DGKB: variants seen among roughly 807,000 people sequenced by gnomAD.
DGKB encodes 90 kDa diacylglycerol kinase.
In DGKB, 67 loss-of-function variants were observed where a neutral mutation model predicts 114.3. That is an observed-to-expected ratio of 0.59 (90% confidence interval 0.48 to 0.72). The LOEUF (loss-of-function observed/expected upper bound fraction) is 0.72, where lower values mean the gene tolerates loss of function less well. Among genes scored for constraint, DGKB ranks in the 30% least tolerant of loss-of-function variants. DGKB has a pLI of 0.00. For synonymous variants in DGKB, 398 were observed against 323.1 expected (o/e 1.23, Z -2.49); for missense variants, 907 against 975.2 (o/e 0.93, Z 0.93).
At chr7:14,168,042 T>C (rs1407542590) in intron 25 of DGKB, among the ~76,000 whole-genome samples, 1 of 152,094 alleles carries the variant, frequency 6.6e-6, no homozygotes, top group East Asian at 1.9e-4. Flanking sequence ...ATTATAACCA[T>C]GCTCTAAGAA....
At chr7:14,160,093 T>C (rs567450245) in intron 25 of DGKB, among the ~76,000 whole-genome samples, 11 of 152,272 alleles carry the variant, frequency 7.2e-5, no homozygotes, top group Admixed American at 5.9e-4. Flanking sequence ...GAGAATGATA[T>C]GATATAATCT....
chr7:14,386,298 A>AT (rs1231212894), intron 21 of DGKB, among the ~76,000 whole-genome samples: 2 of 152,130 alleles, frequency 1.3e-5, no homozygotes, highest in African/African-American at 4.8e-5. Context: ...TTCAGATATG[A>AT]TTTTTTAAAA....
chr7:14,600,080 C>T (rs1031902501), intron 17 of DGKB, among the ~76,000 whole-genome samples: 2 of 152,148 alleles, frequency 1.3e-5, no homozygotes, highest in African/African-American at 4.8e-5. Flanking sequence ...AAGGTCAAGA[C>T]ATCAACAGAT....
intron 1 of DGKB, among the ~76,000 whole-genome samples, chr7:14,891,884 G>A (rs1005924007): frequency 6.6e-6 from 1 of 151,294 alleles, no homozygotes; most frequent in African/African-American, 2.4e-5. Context: ...AGACTGAGAT[G>A]AGAGATCATA....
chr7:14,468,928 C>T (rs1464317757), intron 21 of DGKB, among the ~76,000 whole-genome samples: 6 of 151,756 alleles, frequency 4.0e-5, no homozygotes, highest in African/African-American at 9.7e-5. Context: ...CCCTAGGAAT[C>T]GAAAGGCAAA....
At chr7:14,727,845 C>G (rs1041592815) in intron 5 of DGKB, among the ~76,000 whole-genome samples, 1 of 152,134 alleles carries the variant, frequency 6.6e-6, no homozygotes, top group African/African-American at 2.4e-5. Flanking sequence ...ATCCTCAAGA[C>G]AGTCCTAATA....
At chr7:14,804,577 A>G (rs1477273040) in intron 2 of DGKB, among the ~76,000 whole-genome samples, 1 of 151,706 alleles carries the variant, frequency 6.6e-6, no homozygotes, top group Non-Finnish European at 1.5e-5. Context: ...ATTCTAGACA[A>G]TTCATGGAAA....
At chr7:14,919,083 C>CAA (rs1784384991) in intron 1 of DGKB, among the ~76,000 whole-genome samples, 2 of 129,798 alleles carry the variant, frequency 1.5e-5, no homozygotes, top group African/African-American at 5.9e-5. Context: ...CACACACACA[C>CAA]ACACACACAC....
intron 14 of DGKB, among the ~76,000 whole-genome samples, chr7:14,628,839 A>G (rs375537813): frequency 9.9e-4 from 150 of 152,258 alleles, no homozygotes; most frequent in African/African-American, 3.6e-3. Context: ...GGGATACTGG[A>G]AAGTTTAAGT....
intron 13 of DGKB, among the ~76,000 whole-genome samples, chr7:14,649,601 C>A (rs985663322): frequency 6.6e-6 from 1 of 151,628 alleles, no homozygotes; most frequent in Non-Finnish European, 1.5e-5. Context: ...CGAGCAAAAT[C>A]ACCAGCTAAC....
chr7:14,375,067 A>T (rs1179266561), intron 21 of DGKB, among the ~76,000 whole-genome samples: 3 of 152,090 alleles, frequency 2.0e-5, no homozygotes, highest in African/African-American at 7.2e-5. Context: ...TCTCAACATT[A>T]CTTTTCCTTT....
At chr7:14,694,248 A>G (rs1823424404) in intron 8 of DGKB, 54 bp from the exon 9 acceptor site, 10 of 1,487,496 alleles carry the variant, frequency 6.7e-6, no homozygotes, top group South Asian at 3.7e-5. Flanking sequence ...AATAAATTTC[A>G]TAGGCTACAA....
At chr7:14,761,586 C>G (rs368699848) in intron 2 of DGKB, among the ~76,000 whole-genome samples, 1 of 152,158 alleles carries the variant, frequency 6.6e-6, no homozygotes, top group African/African-American at 2.4e-5. Context: ...GACCTGCCTT[C>G]TAGGACAAAA....
At chr7:14,560,539 T>C (rs926509367) in intron 20 of DGKB, among the ~76,000 whole-genome samples, 3 of 152,192 alleles carry the variant, frequency 2.0e-5, no homozygotes, top group Non-Finnish European at 2.9e-5. Context: ...TTGCAAAACT[T>C]TCTTTTTTAA....
intron 4 of DGKB, among the ~76,000 whole-genome samples, chr7:14,744,194 C>G (rs1443232596): frequency 1.3e-5 from 2 of 152,100 alleles, no homozygotes; most frequent in Non-Finnish European, 2.9e-5. Flanking sequence ...TTTCTCTTTG[C>G]CTGGTTCTTC....
At chr7:14,738,281 T>C (rs1832045344) in intron 4 of DGKB, among the ~76,000 whole-genome samples, 1 of 152,216 alleles carries the variant, frequency 6.6e-6, no homozygotes. Context: ...GGGATGAAAA[T>C]ATTCACAAGC....
chr7:14,733,793 GGA>G (rs1411546443), intron 5 of DGKB, among the ~76,000 whole-genome samples: 11 of 147,142 alleles, frequency 7.5e-5, no homozygotes, highest in African/African-American at 2.7e-4. Flanking sequence ...AAGAAAGAAG[GGA>G]GAGAGGGAGG....
chr7:14,950,910 C>A (rs574655384), intron 1 of DGKB, among the ~76,000 whole-genome samples: 1 of 151,918 alleles, frequency 6.6e-6, no homozygotes, highest in East Asian at 1.9e-4. Flanking sequence ...CAAGTGGGAT[C>A]TGTTCCATGT....
intron 8 of DGKB, among the ~76,000 whole-genome samples, chr7:14,695,492 CTCTTTTT>C (rs1823669929): frequency 1.4e-5 from 1 of 73,362 alleles, no homozygotes; most frequent in African/African-American, 6.0e-5. Context: ...CTCTCTCTCT[CTCTTTTT>C]TTTTTTTTTT....
Sources: allele counts gnomAD v4.1 joint callset (sites outside exome capture counted in the v4.1 genomes callset), GRCh38; gene constraint gnomAD v4.1.1; transcripts MANE v1.5; gene names NCBI Gene and HGNC (gene_info 2026-07-23, HGNC 2026-07-21).